Variants in KDM4C observed in about 807,000 individuals in gnomAD.
KDM4C encodes lysine demethylase 4C.
Under a neutral mutation model 129.3 loss-of-function variants are expected in KDM4C, and 81 were observed. The observed-to-expected ratio is 0.63, with a 90% confidence interval of 0.52 to 0.75. The LOEUF (loss-of-function observed/expected upper bound fraction) is 0.75, where lower values mean the gene tolerates loss of function less well. Among genes scored for constraint, KDM4C ranks in the 30% least tolerant of loss-of-function variants. KDM4C has a pLI of 0.00. For missense variants in KDM4C, 1,457 were observed against 1,304.0 expected, an observed-to-expected ratio of 1.12 and a Z score of -1.81; for synonymous variants, 573 against 456.1, an observed-to-expected ratio of 1.26 and a Z score of -3.26.
At chr9:6,965,452 C>T (rs1194186917) in intron 8 of KDM4C, among the ~76,000 whole-genome samples, 1 of 152,040 alleles carries the variant, frequency 6.6e-6, no homozygotes, top group Non-Finnish European at 1.5e-5. Context: ...TAGGGTTCTC[C>T]AGACTAACAA....
In KDM4C at chr9:6,789,555, A is replaced by G. The variant is rs143895339; in HGVS notation, c.-17-3417A>G. On this transcript the variant is annotated intron_variant, in intron 1 of 21. Transcript: ENST00000381309. ...AATTTTTATATTTTTTTTTAGAGAC[A>G]GGGTTTCGCCATGTTGCCCAGGCTG... Among the ~76,000 whole-genome samples the G allele has an allele frequency of 3.3e-3, 497 of 150,880 alleles. 3 individuals carry two copies. The highest frequency in any genetic ancestry group is 0.012 in the African/African-American group (477 of 41,044).
chr9:6,749,303 G>A (rs1454534462), intron 1 of KDM4C, among the ~76,000 whole-genome samples: 1 of 152,130 alleles, frequency 6.6e-6, no homozygotes, highest in African/African-American at 2.4e-5. Context: ...GCAGGCGTGA[G>A]CTACCAAGCC....
chr9:7,082,833 T>C lies in KDM4C; in HGVS notation c.2425-20852T>C, dbSNP rs1396573853. ...AAAGGGACTTATGCCTTTTGTTCAG[T>C]AGAATTAATAATCAAGTTGTATGCA... On this transcript the variant is annotated intron_variant, in intron 17 of 21. Coordinates refer to ENST00000381309, the MANE Select transcript of KDM4C (RefSeq NM_015061.6). 2.6e-5 allele frequency among the ~76,000 whole-genome samples: 4 copies of C among 152,292 alleles called. No homozygotes were observed. In the East Asian group the frequency reaches 5.8e-4, roughly 22 times the overall value.
At chr9:6,991,148 G>A (rs544996953) in intron 12 of KDM4C, among the ~76,000 whole-genome samples, 17 of 151,968 alleles carry the variant, frequency 1.1e-4, no homozygotes, top group Admixed American at 3.3e-4. Flanking sequence ...GGGTGATCAC[G>A]GCTCACTGCA....
At chr9:7,098,575 T>G (rs1836717945) in intron 17 of KDM4C, among the ~76,000 whole-genome samples, 1 of 152,202 alleles carries the variant, frequency 6.6e-6, no homozygotes. Flanking sequence ...TGAGGCTGCA[T>G]ATTAATTGCT....
At chr9:6,742,780 G>T (rs1188460398) in intron 1 of KDM4C, among the ~76,000 whole-genome samples, 1 of 151,814 alleles carries the variant, frequency 6.6e-6, no homozygotes, top group Non-Finnish European at 1.5e-5. Flanking sequence ...TGACTCTAAG[G>T]CCCTCCTTGA....
At chr9:7,045,860 G>T (rs1391596092) in intron 15 of KDM4C, among the ~76,000 whole-genome samples, 2 of 151,958 alleles carry the variant, frequency 1.3e-5, no homozygotes, top group Non-Finnish European at 2.9e-5. Flanking sequence ...TAAAAGCTAT[G>T]AAGTTTCACA....
In KDM4C at chr9:6,793,122, G is replaced by T; in HGVS notation, c.134G>T (p.Gly45Val). 1 of 1,613,842 alleles carries T rather than the reference G, an allele frequency of 6.2e-7. No individual in the cohort carries two copies. The highest frequency in any genetic ancestry group is 8.5e-7 in the Non-Finnish European group (1 of 1,179,896). The change falls in exon 2 of 22, where the codon GGT becomes GTT. Residue 45 changes from glycine to valine, a missense_variant. Transcript: ENST00000381309. ...YMESKGAHRA[G>V]LAKVIPPKEW... ...GAGTCTAAAGGAGCCCATCGTGCGG[G>T]TCTTGCAAAGGTGATTATCCTTCGA...
intron 8 of KDM4C, among the ~76,000 whole-genome samples, chr9:6,955,803 A>C (rs1232896786): frequency 1.3e-5 from 2 of 152,240 alleles, no homozygotes; most frequent in Non-Finnish European, 2.9e-5. Flanking sequence ...TGATGTATTA[A>C]CTTTAATTTC....
chr9:7,023,978 A>G (rs886351081), intron 15 of KDM4C, among the ~76,000 whole-genome samples: 2 of 152,060 alleles, frequency 1.3e-5, no homozygotes, highest in African/African-American at 4.8e-5. Flanking sequence ...TTTTTATTCC[A>G]TTGTGGTCAA....
intron 12 of KDM4C, among the ~76,000 whole-genome samples, chr9:6,997,040 C>T (rs1265363423): frequency 6.6e-6 from 1 of 152,150 alleles, no homozygotes; most frequent in East Asian, 1.9e-4. Flanking sequence ...AAATGAGGGT[C>T]AGTCGGCTCC....
chr9:7,036,818 G>T lies in KDM4C; in HGVS notation c.2260-10044G>T, dbSNP rs777387915. On this transcript the variant is annotated intron_variant, in intron 15 of 21. Transcript: ENST00000381309. ...GAGGGCAGGATCTTTGTCATTCACT[G>T]TGTTGCTCAGGGTCTAGAGCACATC... is the stretch of plus-strand genomic sequence containing the variant. Among the ~76,000 whole-genome samples, 41 of 152,188 alleles carry T rather than the reference G, an allele frequency of 2.7e-4. 1 individual carries two copies. Among genetic ancestry groups the T allele is most frequent in the Non-Finnish European group, 4.4e-5 (3 of 68,038 alleles).
intron 17 of KDM4C, among the ~76,000 whole-genome samples, chr9:7,080,361 G>A (rs1348168506): frequency 6.6e-6 from 1 of 152,180 alleles, no homozygotes; most frequent in Non-Finnish European, 1.5e-5. Flanking sequence ...GGCTGTGGAG[G>A]AGAGCTACCC....
intron 4 of KDM4C, chr9:6,834,562 G>T (rs1835513328): frequency 2.8e-6 from 2 of 707,350 alleles, no homozygotes; most frequent in Non-Finnish European, 2.6e-6. Context: ...TCATCGTGTG[G>T]CACCCCAAGC....
chr9:6,737,415 C>T (rs1233348109), intron 1 of KDM4C, among the ~76,000 whole-genome samples: 1 of 151,346 alleles, frequency 6.6e-6, no homozygotes, highest in Non-Finnish European at 1.5e-5. Context: ...AATCTCAGCA[C>T]TTTGGGAGGC....
At chr9:7,155,687 T>C (rs1181053847) in intron 19 of KDM4C, among the ~76,000 whole-genome samples, 2 of 152,232 alleles carry the variant, frequency 1.3e-5, no homozygotes, top group Non-Finnish European at 2.9e-5. Flanking sequence ...GGACATGAAC[T>C]CATCCTTTTT....
chr9:6,963,466 G>A (rs935670068), intron 8 of KDM4C, among the ~76,000 whole-genome samples: 4 of 152,190 alleles, frequency 2.6e-5, no homozygotes, highest in African/African-American at 9.6e-5. Context: ...GTAGTATCGT[G>A]CCGCATATTC....
At chr9:6,971,318 C>T (rs1347164527) in intron 8 of KDM4C, among the ~76,000 whole-genome samples, 1 of 152,026 alleles carries the variant, frequency 6.6e-6, no homozygotes, top group African/African-American at 2.4e-5. Context: ...TTTATGATTC[C>T]TTTTTGGATT....
intron 8 of KDM4C, among the ~76,000 whole-genome samples, chr9:6,942,925 G>C (rs941194742): frequency 7.9e-5 from 12 of 152,158 alleles, no homozygotes; most frequent in Non-Finnish European, 1.3e-4. Context: ...GAGTGCAGTG[G>C]CATGATCACG....
Sources: gnomAD v4.1 joint callset for allele counts (sites outside exome capture counted in the v4.1 genomes callset) on GRCh38, gnomAD v4.1.1 for gene constraint, MANE v1.5 for transcripts, NCBI Gene and HGNC (gene_info 2026-07-23, HGNC 2026-07-21) for gene names.